The following EPC1 variants were observed in gnomAD, a reference collection of about 807,000 sequenced individuals.
EPC1 encodes enhancer of polycomb homolog 1.
EPC1 carries 12 observed loss-of-function variants against 98.4 expected under a neutral mutation model. That is an observed-to-expected ratio of 0.12 (90% CI 0.08 to 0.20). The LOEUF is 0.20. Ranked by LOEUF, EPC1 falls within the 10% of genes least tolerant of loss-of-function variation. The pLI is 1.00. For missense variants in EPC1, 729 were observed against 990.5 expected, an observed-to-expected ratio of 0.74 and a Z score of 3.54; for synonymous variants, 357 against 363.9, an observed-to-expected ratio of 0.98 and a Z score of 0.21.
upstream of EPC1, among the ~76,000 whole-genome samples, chr10:32,348,088 GCCGTGGGTTCACACTTTCATCATTTGT>G (rs1318982271): frequency 2.6e-5 from 4 of 152,190 alleles, no homozygotes; most frequent in Non-Finnish European, 5.9e-5. Context: ...CTTCATCATA[GCCGTGGGTTCACACTTTCATCATTTGT>G]CCTCTGAAAA....
rs1430646220 is a variant in EPC1 at position 32,346,982 on chromosome 10, G to A, written c.-67C>T. On this transcript the variant is annotated 5_prime_UTR_variant, in exon 1 of 14. Coordinates refer to ENST00000319778, the MANE Select transcript of EPC1 (RefSeq NM_001272004.3). ...CCGGCCAGCGGGATCATGGAGAACCGGGGGTTCGGTCCCCACTCGCCAACC... is the reference window on the plus strand; with the variant it reads ...CCGGCCAGCGGGATCATGGAGAACCAGGGGTTCGGTCCCCACTCGCCAACC... 6 of 1,585,310 alleles carry A rather than the reference G, an allele frequency of 3.8e-6. No individual in the cohort carries two copies. Among genetic ancestry groups the A allele is most frequent in the East Asian group, 4.5e-5 (2 of 44,566 alleles).
chr10:32,364,312 G>A (rs1159124741), intron 1 of EPC1, among the ~76,000 whole-genome samples: 1 of 151,902 alleles, frequency 6.6e-6, no homozygotes, highest in Non-Finnish European at 1.5e-5. Flanking sequence ...GGGCTTACAG[G>A]CATGAGCTAT....
intron 10 of EPC1, among the ~76,000 whole-genome samples, chr10:32,278,420 C>T (rs1348849827): frequency 2.0e-5 from 2 of 100,430 alleles, no homozygotes; most frequent in African/African-American, 3.8e-5. Context: ...CTCGCTCTGT[C>T]GCCCAGGCTG....
At chr10:32,285,765 A>G (rs2132698791) in intron 9 of EPC1, 1 of 152,386 alleles carries the variant, frequency 6.6e-6, no homozygotes, top group Admixed American at 6.5e-5. Context: ...GGTGTGAGCC[A>G]CCATGCCTGG....
intron 10 of EPC1, among the ~76,000 whole-genome samples, chr10:32,278,384 T>G (rs201074767): frequency 0.012 from 1,407 of 118,230 alleles, 10 homozygotes; most frequent in African/African-American, 0.018. Flanking sequence ...TTTTTTTTTT[T>G]GTTTTTTTTT....
chr10:32,303,416 C>T (rs1023941881), intron 2 of EPC1, among the ~76,000 whole-genome samples: 1 of 152,126 alleles, frequency 6.6e-6, no homozygotes, highest in African/African-American at 2.4e-5. Context: ...AAATGTTCTT[C>T]AATGAGTGAA....
rs1211131218 is a variant in EPC1, at chr10:32,293,756, T to C, written c.314-19A>G. The C allele has an allele frequency of 1.1e-5, 18 of 1,605,326 alleles. No individual in the cohort carries two copies. Among genetic ancestry groups the C allele is most frequent in the Admixed American group, 3.4e-5 (2 of 59,376 alleles). ...CTAAAAGCTGACAGAAGGAACCATA[T>C]GCAATCATTTACTGTGTGAATTCAC... On this transcript the variant is annotated intron_variant, in intron 2 of 13. Coordinates refer to ENST00000319778, the MANE Select transcript of EPC1 (RefSeq NM_001272004.3).
intron 1 of EPC1, among the ~76,000 whole-genome samples, chr10:32,356,397 T>A (rs1839278269): frequency 1.3e-5 from 2 of 151,850 alleles, no homozygotes; most frequent in African/African-American, 4.8e-5. Context: ...GGAGTGGGAT[T>A]CTTGGTGTGA....
Position 32,285,043 on chromosome 10 carries a change from G to C in EPC1, c.1399C>G (p.Leu467Val). 6.2e-7 allele frequency: 1 copy of C among 1,602,436 alleles called. No individual in the cohort carries two copies. The highest frequency in any genetic ancestry group is 8.5e-7 in the Non-Finnish European group (1 of 1,173,242). ...RRVGRGGRVLLDRAHSDYDSV... is the reference protein window; with the variant it reads ...RRVGRGGRVLVDRAHSDYDSV... ...TCATAGTCTGAATGAGCTCTGTCCAGTAAGACCCTATTAAAAAATCAGACA... is the reference window on the plus strand; with the variant it reads ...TCATAGTCTGAATGAGCTCTGTCCACTAAGACCCTATTAAAAAATCAGACA... The change falls in exon 10 of 14, where the codon CTG becomes GTG. Residue 467 changes from leucine to valine, a missense_variant. Physicochemically the swap from Leu to Val is conservative, Grantham distance 32 (BLOSUM62 1). Coordinates refer to ENST00000319778, the MANE Select transcript of EPC1 (RefSeq NM_001272004.3).
Position 32,272,169 on chromosome 10 carries a change from TAAAAAG to T in EPC1, c.1864-8_1864-3del. On this transcript the variant is annotated splice_region_variant and splice_polypyrimidine_tract_variant and intron_variant, in intron 11 of 13. Coordinates refer to ENST00000319778, the MANE Select transcript of EPC1 (RefSeq NM_001272004.3). ...ATCCAAAGTCTTAGAAACAAAACCC[TAAAAAG>T]AAAATACAAAAGAAATCTAATCAGT... is the stretch of plus-strand genomic sequence containing the variant. The T allele has an allele frequency of 6.2e-7, 1 of 1,600,614 alleles. No homozygotes were observed.
intron 1 of EPC1, among the ~76,000 whole-genome samples, chr10:32,309,851 GACCCCT>G (rs2132842313): frequency 6.7e-6 from 1 of 150,040 alleles, no homozygotes; most frequent in East Asian, 2.0e-4. Context: ...TATAAAACAT[GACCCCT>G]AAGGAGTTCT....
intron 1 of EPC1, among the ~76,000 whole-genome samples, chr10:32,327,099 G>T (rs552735695): frequency 8.0e-6 from 1 of 125,408 alleles, no homozygotes; most frequent in African/African-American, 2.9e-5. Flanking sequence ...ACTCACAATG[G>T]AATAATATTC....
At position 32,287,022 on chromosome 10, in the gene EPC1, A is replaced by G. The variant is rs1836724702; in HGVS notation, c.1153-7T>C. The G allele has an allele frequency of 6.2e-7, 1 of 1,613,970 alleles. No individual in the cohort carries two copies. Among genetic ancestry groups the G allele is most frequent in the Non-Finnish European group, 8.5e-7 (1 of 1,179,958 alleles). Reference sequence around the variant, plus strand: ...CCGAAGAGCCAGACAAAACCTTTAAATGAAATAAAGAAAGTAGGTCAGATA... The same window carrying G: ...CCGAAGAGCCAGACAAAACCTTTAAGTGAAATAAAGAAAGTAGGTCAGATA... On this transcript the variant is annotated splice_polypyrimidine_tract_variant and splice_region_variant and intron_variant, in intron 7 of 13. Coordinates refer to ENST00000319778, the MANE Select transcript of EPC1 (RefSeq NM_001272004.3).
At chr10:32,276,717 T>G (rs1295305359) in intron 10 of EPC1, among the ~76,000 whole-genome samples, 1 of 152,226 alleles carries the variant, frequency 6.6e-6, no homozygotes, top group Non-Finnish European at 1.5e-5. Context: ...CAGGTCATGA[T>G]ACCATTATAA....
At chr10:32,356,560 G>A (rs775041037) in intron 1 of EPC1, among the ~76,000 whole-genome samples, 1 of 152,136 alleles carries the variant, frequency 6.6e-6, no homozygotes, top group African/African-American at 2.4e-5. Flanking sequence ...GGAGATCAAC[G>A]AGGAGAATCA....
In EPC1 at chr10:32,301,577, A is replaced by C. The variant is rs1011790460; in HGVS notation, c.313+4195T>G. 2.0e-5 allele frequency among the ~76,000 whole-genome samples: 3 copies of C among 152,252 alleles called. No homozygotes were observed. The East Asian group carries it at 5.8e-4, about 29-fold the overall frequency. ...CAAGACAGCGATATTGTCTTGGGAT[A>C]AACACAGAAATCAATTGAATAGAAT... is the stretch of plus-strand genomic sequence containing the variant. On this transcript the variant is annotated intron_variant, in intron 2 of 13. Transcript: ENST00000319778.
intron 1 of EPC1, among the ~76,000 whole-genome samples, chr10:32,355,057 A>G (rs112897861): frequency 0.053 from 8,130 of 152,268 alleles, 685 homozygotes; most frequent in African/African-American, 0.18. Flanking sequence ...CAATAAATGT[A>G]ATGCACTTGA....
At chr10:32,292,423 G>A (rs1001804168) in intron 5 of EPC1, 73 bp downstream of exon 5, 3 of 1,098,306 alleles carry the variant, frequency 2.7e-6, no homozygotes, top group Non-Finnish European at 2.5e-6. Context: ...TATTGCATAG[G>A]AAATAAATTA....
intron 1 of EPC1, among the ~76,000 whole-genome samples, chr10:32,361,632 C>A (rs148918253): frequency 1.7e-4 from 26 of 152,206 alleles, no homozygotes; most frequent in Admixed American, 7.2e-4. Context: ...CCAGACACCC[C>A]CTATGGGGCA....
Sources: allele counts gnomAD v4.1 joint callset (sites outside exome capture counted in the v4.1 genomes callset), GRCh38; gene constraint gnomAD v4.1.1; transcripts MANE v1.5; gene names NCBI Gene and HGNC (gene_info 2026-07-23, HGNC 2026-07-21).